SPAG17: variants seen among roughly 807,000 people sequenced by gnomAD.
SPAG17 encodes the protein sperm associated antigen 17, also known as sperm-associated antigen 17.
Under a neutral mutation model 273.6 loss-of-function variants are expected in SPAG17, and 169 were observed. That is an observed-to-expected ratio of 0.62 (90% CI 0.55 to 0.70). SPAG17 has a LOEUF of 0.70. Among genes scored for constraint, SPAG17 ranks in the 30% least tolerant of loss-of-function variants. SPAG17 has a pLI of 0.00. For missense variants in SPAG17, 2,557 were observed against 2,627.8 expected (o/e 0.97, Z 0.59); for synonymous variants, 825 against 873.2 (o/e 0.94, Z 0.97).
chr1:118,151,198 A>G lies in SPAG17; in HGVS notation c.228+31T>C, dbSNP rs184187673. ...TATTATTTTAAGTAAAAAAGTCTTC[A>G]GGTGGCTTTGAGGTAGGAAGGGACA... On this transcript the variant is annotated intron_variant, in intron 2 of 48. Transcript: ENST00000336338. 60 of 1,478,688 alleles carry G rather than the reference A, an allele frequency of 4.1e-5. No individual in the cohort carries two copies. In the African/African-American group the frequency reaches 8.0e-4, roughly 20 times the overall value. 91.6% of individuals were successfully genotyped at this position (1,478,688 alleles called of 1,614,324 possible).
chr1:118,127,805 T>C (rs1329371644), intron 3 of SPAG17, among the ~76,000 whole-genome samples: 8 of 152,184 alleles, frequency 5.3e-5, no homozygotes, highest in Non-Finnish European at 1.0e-4. Flanking sequence ...TCCATTGTAA[T>C]GATAGTTCAT....
At chr1:118,132,380 G>A (rs867434716) in intron 3 of SPAG17, among the ~76,000 whole-genome samples, 2 of 152,206 alleles carry the variant, frequency 1.3e-5, no homozygotes, top group East Asian at 1.9e-4. Context: ...TGTGGGTGCC[G>A]GGTTGGGCTG....
In SPAG17 at chr1:117,954,065, A is replaced by G. The variant is rs200953728; in HGVS notation, c.*1-16T>C. 1.0e-4 allele frequency: 169 copies of G among 1,612,550 alleles called. 1 individual carries two copies. The highest frequency in any genetic ancestry group is 1.3e-4 in the Non-Finnish European group (148 of 1,178,970). The stretch of plus-strand genomic sequence containing the variant: ...CGAGAAGAAACTGCAAAAATGAAGG[A>G]ACACAAAGCCATTTGTAAAGCTGCA... On this transcript the variant is annotated splice_polypyrimidine_tract_variant and intron_variant, in intron 48 of 48. Coordinates refer to ENST00000336338, the MANE Select transcript of SPAG17 (RefSeq NM_206996.4).
intron 38 of SPAG17, among the ~76,000 whole-genome samples, chr1:117,989,430 C>T (rs1656816683): frequency 6.6e-6 from 1 of 152,018 alleles, no homozygotes; most frequent in South Asian, 2.1e-4. Flanking sequence ...ATTTTACCAA[C>T]CAGCTCTCAT....
intron 37 of SPAG17, 70 bp from the exon 38 acceptor site, chr1:117,990,976 T>A: frequency 3.5e-6 from 3 of 850,838 alleles, no homozygotes; most frequent in Non-Finnish European, 5.3e-6. Flanking sequence ...AGAAACATTC[T>A]CTCAAGCTGA....
At chr1:118,085,872 A>G (rs753028450) in intron 13 of SPAG17, 50 bp downstream of exon 13, 20 of 1,517,160 alleles carry the variant, frequency 1.3e-5, no homozygotes, top group Non-Finnish European at 1.6e-5. Context: ...AGAGGCATAT[A>G]TGACCATTAA....
intron 1 of SPAG17, among the ~76,000 whole-genome samples, chr1:118,183,171 A>G (rs1661025107): frequency 6.6e-6 from 1 of 152,260 alleles, no homozygotes; most frequent in South Asian, 2.1e-4. Context: ...CCCAGCACAC[A>G]CACATAATAC....
At chr1:118,142,178 T>TGCAAA (rs1658718379) in intron 3 of SPAG17, among the ~76,000 whole-genome samples, 1 of 152,222 alleles carries the variant, frequency 6.6e-6, no homozygotes, top group Non-Finnish European at 1.5e-5. Flanking sequence ...TGACACATGG[T>TGCAAA]ACAACATGAA....
chr1:118,009,963 G>A (rs1659303395), intron 30 of SPAG17, among the ~76,000 whole-genome samples: 1 of 151,898 alleles, frequency 6.6e-6, no homozygotes. Flanking sequence ...TAAACCTGGA[G>A]GACATTATTT....
At chr1:118,080,247 A>C (rs1221677292) in intron 15 of SPAG17, among the ~76,000 whole-genome samples, 3 of 152,148 alleles carry the variant, frequency 2.0e-5, no homozygotes, top group Non-Finnish European at 2.9e-5. Context: ...TAAGAGAGGC[A>C]TTTCCATATG....
At chr1:118,063,530 A>G (rs1484670139) in intron 18 of SPAG17, among the ~76,000 whole-genome samples, 5 of 152,232 alleles carry the variant, frequency 3.3e-5, no homozygotes, top group Admixed American at 2.0e-4. Context: ...CTGGCTAGCC[A>G]TATGTAGAAA....
At chr1:118,069,669 G>T (rs1159965494) in intron 17 of SPAG17, among the ~76,000 whole-genome samples, 1 of 152,178 alleles carries the variant, frequency 6.6e-6, no homozygotes, top group Admixed American at 6.5e-5. Flanking sequence ...TAATTTAAAA[G>T]ATATGGGCAT....
chr1:118,043,359 G>T (rs1486618063), intron 20 of SPAG17, among the ~76,000 whole-genome samples: 1 of 152,142 alleles, frequency 6.6e-6, no homozygotes, highest in Non-Finnish European at 1.5e-5. Context: ...TAACTTAAAA[G>T]AGATTATTGT....
intron 35 of SPAG17, among the ~76,000 whole-genome samples, chr1:117,993,197 T>C (rs1246050757): frequency 6.6e-6 from 1 of 152,104 alleles, no homozygotes. Flanking sequence ...TTGTGATCGA[T>C]TTTCAGGAAT....
At chr1:118,139,401 T>C (rs1170282881) in intron 3 of SPAG17, among the ~76,000 whole-genome samples, 1 of 152,192 alleles carries the variant, frequency 6.6e-6, no homozygotes, top group East Asian at 1.9e-4. Context: ...GAAAACACTA[T>C]GGAGGGTCCT....
chr1:118,065,782 A>G (rs533515844), intron 18 of SPAG17, among the ~76,000 whole-genome samples: 24 of 152,228 alleles, frequency 1.6e-4, no homozygotes, highest in African/African-American at 5.8e-4. Flanking sequence ...CAAACTAGAA[A>G]TAGTTTTTTT....
chr1:118,098,436 T>C (rs1655853580), intron 6 of SPAG17, among the ~76,000 whole-genome samples: 1 of 152,072 alleles, frequency 6.6e-6, no homozygotes, highest in Non-Finnish European at 1.5e-5. Flanking sequence ...TTATTACATC[T>C]ATAATTAAAT....
intron 7 of SPAG17, 45 bp from the exon 8 acceptor site, chr1:118,093,362 T>A: frequency 1.3e-6 from 2 of 1,547,600 alleles, no homozygotes; most frequent in South Asian, 1.2e-5. Flanking sequence ...AGTTTTACAC[T>A]GTTGGAATCA....
chr1:117,966,847 T>G, intron 46 of SPAG17, 94 bp from the exon 47 acceptor site: 5 of 1,112,178 alleles, frequency 4.5e-6, no homozygotes, highest in Non-Finnish European at 6.1e-6. Context: ...TAAACTCTCT[T>G]ACCTTTGGTT....
Sources: allele counts gnomAD v4.1 joint callset (sites outside exome capture counted in the v4.1 genomes callset), GRCh38; gene constraint gnomAD v4.1.1; transcripts MANE v1.5; gene names NCBI Gene and HGNC (gene_info 2026-07-23, HGNC 2026-07-21).